TFAP2A: variants seen among roughly 807,000 people sequenced by gnomAD.
The protein encoded by TFAP2A is transcription factor AP-2-alpha.
A neutral mutation model predicts 41.5 loss-of-function variants in TFAP2A; 7 were observed. The ratio of observed to expected loss-of-function variants is 0.17; its 90% confidence interval spans 0.10 to 0.32. TFAP2A has a LOEUF of 0.32. Ranked by LOEUF, TFAP2A falls within the 10% of genes least tolerant of loss-of-function variation. The pLI, the probability that TFAP2A is intolerant of heterozygous loss-of-function variation, is 1.00. For synonymous variants in TFAP2A, 247 were observed against 242.8 expected, an observed-to-expected ratio of 1.02 and a Z score of -0.16; for missense variants, 416 against 563.3, an observed-to-expected ratio of 0.74 and a Z score of 2.65.
chr6:10,414,507 A>G (rs1758158922), intron 1 of TFAP2A: 2 of 312,606 alleles, frequency 6.4e-6, no homozygotes, highest in South Asian at 6.1e-5. Flanking sequence ...AGAAGAAGGA[A>G]TATTAAAGAT....
chr6:10,408,430 T>C (rs1757811800), intron 2 of TFAP2A, among the ~76,000 whole-genome samples: 1 of 152,204 alleles, frequency 6.6e-6, no homozygotes, highest in Non-Finnish European at 1.5e-5. Flanking sequence ...TTCCAAAAGC[T>C]TGCAACATTA....
intron 2 of TFAP2A, chr6:10,407,500 C>CTTTTTT (rs1010909089): frequency 4.0e-5 from 5 of 124,164 alleles, no homozygotes; most frequent in Non-Finnish European, 8.7e-5. Context: ...TTTTTCTTTT[C>CTTTTTT]TTTTTTTTTT....
chr6:10,399,062 CAG>C (rs1394704927), intron 6 of TFAP2A, among the ~76,000 whole-genome samples: 1 of 152,218 alleles, frequency 6.6e-6, no homozygotes, highest in East Asian at 1.9e-4. Flanking sequence ...GACCGGAAGT[CAG>C]AAACAGTAGC....
At chr6:10,402,239 C>T (rs1252773476) in intron 5 of TFAP2A, 5 of 571,324 alleles carry the variant, frequency 8.8e-6, no homozygotes, top group South Asian at 3.1e-5. Context: ...TAAACTTGTG[C>T]GTTGTTTAGC....
chr6:10,403,884 C>G (rs1290815052), intron 4 of TFAP2A, among the ~76,000 whole-genome samples: 1 of 152,206 alleles, frequency 6.6e-6, no homozygotes, highest in African/African-American at 2.4e-5. Context: ...TGGCACACAT[C>G]AGGGCCTCAG....
Position 10,398,091 on chromosome 6 carries a change from AAAG to A in TFAP2A, c.*323_*325del, listed in dbSNP as rs992755911. ...TGATTTGTTGTTTTGTTTAAAAAAA[AAAG>A]GGTTCACAAACTTGGCAGAACTTTT... On this transcript the variant is annotated 3_prime_UTR_variant, in exon 7 of 7. Transcript: ENST00000379613. This position sits in a 1 kb window ranked among gnomAD's most constrained non-coding sequence, Gnocchi z 5.3. 3.3e-6 allele frequency: 4 copies of A among 1,206,248 alleles called. No individual in the cohort carries two copies. The African/African-American group carries it at 6.3e-5, about 19-fold the overall frequency. 74.7% of individuals were successfully genotyped at this position (1,206,248 alleles called of 1,614,324 possible). A position where few individuals can be genotyped will look rare whatever the true frequency, so the allele number is the denominator to read the frequency against.
chr6:10,397,297 T>G lies in TFAP2A; in HGVS notation c.*1120A>C, dbSNP rs1166174221. Reference sequence around the variant, plus strand: ...CAATATTCATTTATTGCTCAAATGATGCTTTTAAGGGAGGACAGTGGAATA... The same window carrying G: ...CAATATTCATTTATTGCTCAAATGAGGCTTTTAAGGGAGGACAGTGGAATA... On this transcript the variant is annotated 3_prime_UTR_variant, in exon 7 of 7. Transcript: ENST00000379613. 1.3e-5 allele frequency: 2 copies of G among 152,114 alleles called. No individual in the cohort carries two copies. Among genetic ancestry groups the G allele is most frequent in the Non-Finnish European group, 2.9e-5 (2 of 68,026 alleles). 9.4% of individuals were successfully genotyped at this position (152,114 alleles called of 1,614,324 possible).
At chr6:10,413,807 G>A (rs921729363) in intron 1 of TFAP2A, among the ~76,000 whole-genome samples, 3 of 151,442 alleles carry the variant, frequency 2.0e-5, no homozygotes, top group Admixed American at 6.6e-5. Context: ...CAAGATCTCC[G>A]CCCCTGCGCC....
At chr6:10,419,335 T>G, upstream of TFAP2A, 1 of 1,536,264 alleles carries the variant, frequency 6.5e-7, no homozygotes, top group Non-Finnish European at 9.0e-7. Flanking sequence ...GCCACGGCGC[T>G]TCCTCTCCTC....
At chr6:10,415,136 AGAG>A (rs1430916952), upstream of TFAP2A, 18 of 1,549,892 alleles carry the variant, frequency 1.2e-5, no homozygotes, top group African/African-American at 4.2e-5. Flanking sequence ...AGGAGGAGGG[AGAG>A]GAGGAGGGCA....
At chr6:10,415,086 CAGGAGGAGGAGGAGGAGGGAG>C, upstream of TFAP2A, 1 of 1,597,764 alleles carries the variant, frequency 6.3e-7, no homozygotes, top group Non-Finnish European at 8.5e-7. Context: ...GCGGTGAGCG[CAGGAGGAGGAGGAGGAGGGAG>C]AGGAGGTGGA....
intron 3 of TFAP2A, chr6:10,405,566 C>T (rs924425974): frequency 6.7e-6 from 1 of 148,844 alleles, no homozygotes; most frequent in South Asian, 2.1e-4. Flanking sequence ...CTCTTTATTG[C>T]TGGACTCACC....
chr6:10,403,097 A>C (rs1285429447), intron 4 of TFAP2A, among the ~76,000 whole-genome samples: 1 of 152,268 alleles, frequency 6.6e-6, no homozygotes, highest in African/African-American at 2.4e-5. Context: ...TCGTTTCGCC[A>C]ACTGTTTACG....
intron 4 of TFAP2A, among the ~76,000 whole-genome samples, chr6:10,404,041 C>A (rs1581261610): frequency 6.6e-6 from 1 of 152,326 alleles, no homozygotes; most frequent in South Asian, 2.1e-4. Flanking sequence ...CTATACAAGG[C>A]ACGACCGGTT....
chr6:10,413,225 C>G (rs56180902), intron 1 of TFAP2A, among the ~76,000 whole-genome samples: 13,281 of 152,326 alleles, frequency 0.087, 762 homozygotes, highest in Middle Eastern at 0.21. Context: ...CGCTTGCCCA[C>G]CACGGCCAAA....
upstream of TFAP2A, chr6:10,415,383 A>G: frequency 1.3e-6 from 1 of 776,422 alleles, no homozygotes; most frequent in South Asian, 2.1e-5. Flanking sequence ...CGACACAGGT[A>G]TAAAGGCCTC....
Position 10,398,016 on chromosome 6 carries a change from T to C in TFAP2A, c.*401A>G, listed in dbSNP as rs534571057. 2.1e-5 allele frequency: 22 copies of C among 1,048,324 alleles called. No individual in the cohort carries two copies. In the South Asian group the frequency reaches 7.4e-4, roughly 35 times the overall value. 64.9% of individuals were successfully genotyped at this position (1,048,324 alleles called of 1,614,324 possible). A position where few individuals can be genotyped will look rare whatever the true frequency, so the allele number is the denominator to read the frequency against. ...CGCATATAATTTTTTTTATTTTCAC[T>C]TTTTTTTTAGAAAAAAGTTTTTAAT... On this transcript the variant is annotated 3_prime_UTR_variant, in exon 7 of 7. Coordinates refer to ENST00000379613, the MANE Select transcript of TFAP2A (RefSeq NM_001372066.1). This position sits in a 1 kb window ranked among gnomAD's most constrained non-coding sequence, Gnocchi z 5.3.
At chr6:10,408,277 A>C (rs1757804610) in intron 2 of TFAP2A, among the ~76,000 whole-genome samples, 1 of 152,200 alleles carries the variant, frequency 6.6e-6, no homozygotes, top group South Asian at 2.1e-4. Flanking sequence ...AGAGGGAAAA[A>C]CAGCAACTGG....
chr6:10,400,722 T>G (rs373358373), intron 5 of TFAP2A, 133 bp from the exon 6 acceptor site: 6 of 1,054,922 alleles, frequency 5.7e-6, no homozygotes, highest in African/African-American at 4.7e-5. Flanking sequence ...TGTTTTCTCA[T>G]TTCAGGCATT....
Sources: allele counts gnomAD v4.1 joint callset (sites outside exome capture counted in the v4.1 genomes callset), GRCh38; gene constraint gnomAD v4.1.1; non-coding constraint Gnocchi (gnomAD v3.1); transcripts MANE v1.5; gene names NCBI Gene and HGNC (gene_info 2026-07-23, HGNC 2026-07-21).